The following PDHX variants were observed in gnomAD, a reference collection of about 807,000 sequenced individuals.
PDHX encodes pyruvate dehydrogenase protein X component, mitochondrial.
A neutral mutation model predicts 55.3 loss-of-function variants in PDHX; 33 were observed. The observed-to-expected ratio is 0.60, with a 90% CI of 0.45 to 0.80. The LOEUF is 0.80. PDHX is among the 30% of genes least tolerant of loss of function. The pLI is 0.00. For synonymous variants in PDHX, 226 were observed against 219.4 expected (o/e 1.03, Z -0.27); for missense variants, 622 against 619.9 (o/e 1.00, Z -0.04).
chr11:34,960,518 A>C lies in PDHX; in HGVS notation c.641A>C (p.Glu214Ala). The change falls in exon 5 of 11, where the codon GAG (glutamate) becomes GCG (alanine). Residue 214 changes from glutamate to alanine, a missense_variant and splice_region_variant. Physicochemically the swap from Glu to Ala is moderately radical, Grantham distance 107. Coordinates refer to ENST00000227868, the MANE Select transcript of PDHX (RefSeq NM_003477.3). ...GGCCCTCGGGGGATATTCACTAAAG[A>C]GTATGTGTTTGCTTTTTGTAATAAC... ...ATGPRGIFTK[E>A]DALKLVQLKQ... The C allele has an allele frequency of 6.4e-7, 1 of 1,566,636 alleles. No individual in the cohort carries two copies. The highest frequency in any genetic ancestry group is 8.8e-7 in the Non-Finnish European group (1 of 1,137,240).
At chr11:34,936,422 G>T (rs934409256) in intron 2 of PDHX, among the ~76,000 whole-genome samples, 3 of 152,174 alleles carry the variant, frequency 2.0e-5, no homozygotes, top group African/African-American at 7.2e-5. Flanking sequence ...TAAAGGTAAT[G>T]GCAGAGGGGA....
intron 2 of PDHX, among the ~76,000 whole-genome samples, chr11:34,938,516 T>G (rs932294343): frequency 6.6e-6 from 1 of 152,266 alleles, no homozygotes; most frequent in Non-Finnish European, 1.5e-5. Flanking sequence ...GTTTCTTTTC[T>G]CTGATGAATT....
chr11:34,981,873 T>C (rs1345245234), intron 8 of PDHX, among the ~76,000 whole-genome samples: 1 of 152,226 alleles, frequency 6.6e-6, no homozygotes, highest in Non-Finnish European at 1.5e-5. Flanking sequence ...GTAAATTTGT[T>C]TGAGTTCATT....
rs1407417705 is a variant in PDHX, at chr11:34,923,985, A to G, written c.160+7170A>G. On this transcript the variant is annotated intron_variant, in intron 1 of 10. Transcript: ENST00000227868. Reference sequence around the variant, plus strand: ...TGCTGAATAAGGTAAAGGAGAGAGTAAAAAGGGAACCTTCAAGTTTAGGCT... The same window carrying G: ...TGCTGAATAAGGTAAAGGAGAGAGTGAAAAGGGAACCTTCAAGTTTAGGCT... Among the ~76,000 whole-genome samples the G allele has an allele frequency of 2.0e-5, 3 of 152,324 alleles. No individual in the cohort carries two copies. The South Asian group carries it at 6.2e-4, about 32-fold the overall frequency.
intron 1 of PDHX, among the ~76,000 whole-genome samples, chr11:34,920,280 GTC>G (rs1165915167): frequency 6.6e-6 from 1 of 152,132 alleles, no homozygotes; most frequent in Non-Finnish European, 1.5e-5. Context: ...GTTTTAAGTT[GTC>G]TCTGAAGAAT....
intron 9 of PDHX, among the ~76,000 whole-genome samples, chr11:34,985,949 T>G (rs1427517124): frequency 2.6e-5 from 4 of 152,202 alleles, no homozygotes; most frequent in Non-Finnish European, 5.9e-5. Flanking sequence ...TTTTAGGTCT[T>G]TCTTCCCTCC....
chr11:34,987,689 A>G (rs1037874988), intron 9 of PDHX, among the ~76,000 whole-genome samples: 1 of 151,810 alleles, frequency 6.6e-6, no homozygotes, highest in Non-Finnish European at 1.5e-5. Flanking sequence ...CTGTGGATGA[A>G]TAGGCATTAA....
At chr11:34,953,606 A>T (rs944339264) in intron 3 of PDHX, among the ~76,000 whole-genome samples, 3 of 152,238 alleles carry the variant, frequency 2.0e-5, no homozygotes, top group Non-Finnish European at 4.4e-5. Flanking sequence ...TTGTTTTTTT[A>T]AAATACAGAC....
intron 2 of PDHX, among the ~76,000 whole-genome samples, chr11:34,935,400 G>C (rs1462280937): frequency 2.6e-5 from 4 of 152,168 alleles, no homozygotes; most frequent in Non-Finnish European, 5.9e-5. Flanking sequence ...TAAAAGAGGT[G>C]AGTATGTTAC....
At chr11:34,992,282 T>C in intron 9 of PDHX, 33 bp from the exon 10 acceptor site, 2 of 1,284,990 alleles carry the variant, frequency 1.6e-6, no homozygotes, top group Non-Finnish European at 2.3e-6. Context: ...TAACATTTTG[T>C]TGGTTGTCCT....
At chr11:34,929,329 C>T (rs998610057) in intron 1 of PDHX, among the ~76,000 whole-genome samples, 2 of 152,166 alleles carry the variant, frequency 1.3e-5, no homozygotes, top group African/African-American at 2.4e-5. Context: ...CTCCCAGATT[C>T]GAGTGATTCT....
chr11:34,982,298 G>C (rs1482328313), intron 8 of PDHX, among the ~76,000 whole-genome samples: 3 of 152,096 alleles, frequency 2.0e-5, no homozygotes, highest in Non-Finnish European at 4.4e-5. Flanking sequence ...GTTTGTCAAA[G>C]ATCAGATGGT....
chr11:34,978,040 A>G (rs1203370513), intron 7 of PDHX, 84 bp from the exon 8 acceptor site: 4 of 785,722 alleles, frequency 5.1e-6, no homozygotes, highest in Non-Finnish European at 6.8e-6. Context: ...AGTACATTCC[A>G]TAATTTACAA....
intron 8 of PDHX, among the ~76,000 whole-genome samples, chr11:34,983,683 A>G (rs1424862792): frequency 6.6e-6 from 1 of 152,038 alleles, no homozygotes; most frequent in African/African-American, 2.4e-5. Flanking sequence ...AATTGCTTCA[A>G]AGAGAATAAA....
chr11:34,960,376 G>GT, intron 4 of PDHX, 44 bp from the exon 5 acceptor site: 1 of 1,203,576 alleles, frequency 8.3e-7, no homozygotes, highest in South Asian at 1.2e-5. Flanking sequence ...TGAATCAAAT[G>GT]TAAGTGTTAA....
chr11:34,978,495 G>A (rs1311698183), intron 8 of PDHX, among the ~76,000 whole-genome samples: 2 of 152,100 alleles, frequency 1.3e-5, no homozygotes, highest in African/African-American at 4.8e-5. Flanking sequence ...ACTATTATAT[G>A]TCAGATGGTG....
At chr11:34,917,168 C>G (rs1019645579) in intron 1 of PDHX, among the ~76,000 whole-genome samples, 4 of 152,098 alleles carry the variant, frequency 2.6e-5, no homozygotes, top group African/African-American at 7.2e-5. Context: ...ACGTCTCGGA[C>G]GAGAAAAAGC....
intron 4 of PDHX, among the ~76,000 whole-genome samples, chr11:34,960,012 T>C (rs1854990119): frequency 6.6e-6 from 1 of 152,208 alleles, no homozygotes; most frequent in African/African-American, 2.4e-5. Flanking sequence ...TAAATGCCAC[T>C]CAGTTGTACA....
At chr11:34,982,191 A>G (rs1855529919) in intron 8 of PDHX, among the ~76,000 whole-genome samples, 1 of 152,198 alleles carries the variant, frequency 6.6e-6, no homozygotes, top group Non-Finnish European at 1.5e-5. Flanking sequence ...AGGTGTAAGG[A>G]AGAGTTCCAG....
Sources: allele counts gnomAD v4.1 joint callset (sites outside exome capture counted in the v4.1 genomes callset), GRCh38; gene constraint gnomAD v4.1.1; transcripts MANE v1.5; gene names NCBI Gene and HGNC (gene_info 2026-07-23, HGNC 2026-07-21).